Variants in CASKIN1 observed in about 807,000 individuals in gnomAD.
CASKIN1 encodes the protein caskin-1.
Under a neutral mutation model 117.5 loss-of-function variants are expected in CASKIN1, and 42 were observed. The ratio of observed to expected loss-of-function variants is 0.36; its 90% CI spans 0.28 to 0.46. CASKIN1 has a LOEUF of 0.46. CASKIN1 is among the 20% of genes least tolerant of loss of function. CASKIN1 has a pLI of 1.00. For missense variants in CASKIN1, 2,083 were observed against 2,077.3 expected (o/e 1.00, Z -0.05); for synonymous variants, 1,148 against 961.7 (o/e 1.19, Z -3.59).
intron 1 of CASKIN1, among the ~76,000 whole-genome samples, chr16:2,191,615 C>T (rs2093201981): frequency 6.6e-6 from 1 of 152,238 alleles, no homozygotes; most frequent in African/African-American, 2.4e-5. Flanking sequence ...CCCCAGCTCT[C>T]TCCAGCCAGG....
chr16:2,189,535 G>T lies in CASKIN1; in HGVS notation c.274C>A (p.Gln92Lys). The T allele has an allele frequency of 6.2e-7, 1 of 1,610,814 alleles. No individual in the cohort carries two copies. Residue 92 changes from glutamine to lysine, a missense_variant, in exon 4 of 20, where the codon CAG becomes AAG. Around this residue, in one of 3 missense-constraint regions of CASKIN1, gnomAD observed 203 missense variants for 338.7 expected, o/e 0.60. Transcript: ENST00000343516. ...AGCTTCATGGGCTCCTTCCGGCCCT[G>T]CCAGGCCGCATAGTGCAGCGGCCGC... ...GMRPLHYAAW[Q>K]GRKEPMKLVL...
intron 1 of CASKIN1, 24 bp from the exon 2 acceptor site, chr16:2,190,382 G>A: frequency 1.3e-6 from 2 of 1,560,722 alleles, no homozygotes; most frequent in Non-Finnish European, 1.7e-6. Context: ...GAGACTCAGT[G>A]AGGGGAGGCT....
chr16:2,192,213 C>T (rs555098613), intron 1 of CASKIN1, among the ~76,000 whole-genome samples: 2 of 151,806 alleles, frequency 1.3e-5, no homozygotes, highest in Admixed American at 1.3e-4. Flanking sequence ...GCGGGAGGAT[C>T]GCTTGAGCCC....
At position 2,182,829 on chromosome 16, in the gene CASKIN1, C is replaced by T. The variant is rs1174783260; in HGVS notation, c.1629+817G>A. Among the ~76,000 whole-genome samples, 5 of 152,232 alleles carry T rather than the reference C, an allele frequency of 3.3e-5. No homozygotes were observed. The highest frequency in any genetic ancestry group is 4.8e-5 in the African/African-American group (2 of 41,450). On this transcript the variant is annotated intron_variant, in intron 16 of 19. Transcript: ENST00000343516. This position sits in a 1 kb window ranked among gnomAD's most constrained non-coding sequence, Gnocchi z 4.1. ...TGTTTGAGACGGAGCCTCGCTCTGT[C>T]GCCCAGGCTGGAGTGCAGTGGCGCA...
chr16:2,190,031 C>G, intron 3 of CASKIN1, 42 bp downstream of exon 3: 103 of 1,316,514 alleles, frequency 7.8e-5, no homozygotes, highest in Non-Finnish European at 1.0e-4. Flanking sequence ...CCCCTCGCTG[C>G]CCCCGCCCCT....
intron 1 of CASKIN1, among the ~76,000 whole-genome samples, chr16:2,191,700 G>A (rs1412190496): frequency 6.6e-6 from 1 of 152,238 alleles, no homozygotes; most frequent in African/African-American, 2.4e-5. Context: ...GCTGGCACCA[G>A]TGTCCCTCTT....
intron 14 of CASKIN1, 36 bp downstream of exon 14, chr16:2,184,741 C>T (rs1029960339): frequency 9.6e-6 from 14 of 1,457,380 alleles, no homozygotes; most frequent in African/African-American, 8.6e-5. Flanking sequence ...AGCCTCTCCC[C>T]GGAGCCCACG....
rs2093215621 is a variant in CASKIN1 at position 2,196,240 on chromosome 16, C to T, written c.94+99G>A. ...CTGGCCCCGCCCCGCCCCCGGGGACCCGACAACGTCCCCTCCCCGCCCGGC... is the reference window on the plus strand; with the variant it reads ...CTGGCCCCGCCCCGCCCCCGGGGACTCGACAACGTCCCCTCCCCGCCCGGC... On this transcript the variant is annotated intron_variant, in intron 1 of 19. Transcript: ENST00000343516. The surrounding 1 kb of genome is among the most constrained non-coding windows in gnomAD (Gnocchi z 5.7). 2.8e-6 allele frequency: 1 copy of T among 363,510 alleles called. No homozygotes were observed. Among genetic ancestry groups the T allele is most frequent in the Admixed American group, 5.5e-5 (1 of 18,222 alleles). The allele number at this position is 363,510 out of a possible 1,614,324, so 22.5% of individuals were successfully genotyped here.
At chr16:2,185,689 A>AG (rs1489487101) in intron 10 of CASKIN1, among the ~76,000 whole-genome samples, 1 of 152,166 alleles carries the variant, frequency 6.6e-6, no homozygotes, top group Non-Finnish European at 1.5e-5. Flanking sequence ...TGTACTGGGG[A>AG]GTGGGGGGCA....
At chr16:2,178,674 G>A (rs1158237493) in intron 19 of CASKIN1, 28 bp from the exon 20 acceptor site, 9 of 1,568,320 alleles carry the variant, frequency 5.7e-6, no homozygotes, top group Non-Finnish European at 7.7e-6. Flanking sequence ...AGGGGCGTGA[G>A]TGGGCGGGGC....
intron 6 of CASKIN1, 57 bp from the exon 7 acceptor site, chr16:2,187,518 A>AC: frequency 2.1e-6 from 3 of 1,435,230 alleles, no homozygotes; most frequent in South Asian, 2.3e-5. Context: ...CGGCCCCAGC[A>AC]CCCCCAAGCC....
At chr16:2,188,206 A>T (rs1387862270) in intron 6 of CASKIN1, among the ~76,000 whole-genome samples, 3 of 151,720 alleles carry the variant, frequency 2.0e-5, no homozygotes, top group Non-Finnish European at 4.4e-5. Context: ...TAAAAAGTAG[A>T]GATGGGGTCT....
At chr16:2,181,764 G>A (rs200591186) in intron 17 of CASKIN1, 27 bp downstream of exon 17, 402 of 1,607,966 alleles carry the variant, frequency 2.5e-4, no homozygotes, top group South Asian at 1.8e-3. Flanking sequence ...GTTGGGCTGG[G>A]GACGAGGGCT....
chr16:2,184,839 G>A lies in CASKIN1; in HGVS notation c.1354C>T (p.His452Tyr). ...GVARSQPPVA[H>Y]AGQVYGEQPP... is the part of the protein sequence containing the mutation. ...TGCTCCCCATAGACCTGCCCGGCGTGGGCCACTGGAGGCTGGGACCGGGCC... is the reference window on the plus strand; with the variant it reads ...TGCTCCCCATAGACCTGCCCGGCGTAGGCCACTGGAGGCTGGGACCGGGCC... Residue 452 changes from histidine to tyrosine, a missense_variant, in exon 14 of 20, where the codon CAC becomes TAC. His to Tyr is a moderately conservative substitution (Grantham distance 83). This residue lies in a region of CASKIN1 where 1,818 missense variants were observed against 1,688.9 expected (regional missense o/e 1.08). Coordinates refer to ENST00000343516, the MANE Select transcript of CASKIN1 (RefSeq NM_020764.4). 3 of 1,560,446 alleles carry A rather than the reference G, an allele frequency of 1.9e-6. No individual in the cohort carries two copies. The highest frequency in any genetic ancestry group is 2.6e-6 in the Non-Finnish European group (3 of 1,152,648).
chr16:2,190,467 G>A, intron 1 of CASKIN1, 109 bp from the exon 2 acceptor site: 1 of 988,648 alleles, frequency 1.0e-6, no homozygotes, highest in Non-Finnish European at 1.5e-6. Flanking sequence ...AAAGCTGCTG[G>A]GCTCTCAGTC....
chr16:2,177,661 G>C lies in CASKIN1; in HGVS notation c.*889C>G, dbSNP rs2093144831. ...GGCCAGGCACACCCTCAGAGGAGCT[G>C]CAAGCCCGTGGCCTGGCCTGCTACA... On this transcript the variant is annotated 3_prime_UTR_variant, in exon 20 of 20. Transcript: ENST00000343516. 8.4e-6 allele frequency: 2 copies of C among 239,132 alleles called. No homozygotes were observed. Among genetic ancestry groups the C allele is most frequent in the Admixed American group, 1.1e-4 (2 of 18,488 alleles). 14.8% of individuals were successfully genotyped at this position (239,132 alleles called of 1,614,324 possible). A position where few individuals can be genotyped will look rare whatever the true frequency, so the allele number is the denominator to read the frequency against.
chr16:2,185,482 G>A, intron 10 of CASKIN1, 74 bp from the exon 11 acceptor site: 2 of 1,288,860 alleles, frequency 1.6e-6, no homozygotes, highest in Admixed American at 2.5e-5. Flanking sequence ...GCAGGACAGA[G>A]ACTGGCGCAG....
chr16:2,192,729 C>T (rs951411606), intron 1 of CASKIN1, among the ~76,000 whole-genome samples: 5 of 152,218 alleles, frequency 3.3e-5, no homozygotes, highest in Non-Finnish European at 7.3e-5. Flanking sequence ...CAGCCCTCGT[C>T]ACCACCAGCC....
chr16:2,179,068 C>CGGT lies in CASKIN1; in HGVS notation c.4032_4033insACC (p.Arg1344_Ala1345insThr). On this transcript the variant is annotated inframe_insertion, in exon 19 of 20. Coordinates refer to ENST00000343516, the MANE Select transcript of CASKIN1 (RefSeq NM_020764.4). The surrounding 1 kb of genome is among the most constrained non-coding windows in gnomAD (Gnocchi z 5.8). ...GCGGCGGCGGCGGCGGCGGCGGCGG[C>CGGT]TCGCGGGGGCTTGGCGGGCACGTGC... 1.0e-6 allele frequency: 1 copy of CGGT among 986,300 alleles called. No homozygotes were observed. The highest frequency in any genetic ancestry group is 1.8e-5 in the African/African-American group (1 of 56,188). 61.1% of individuals were successfully genotyped at this position (986,300 alleles called of 1,614,324 possible). A position where few individuals can be genotyped will look rare whatever the true frequency, so the allele number is the denominator to read the frequency against.
Sources: allele counts gnomAD v4.1 joint callset (sites outside exome capture counted in the v4.1 genomes callset), GRCh38; gene constraint gnomAD v4.1.1; regional missense constraint gnomAD v4.1.1; non-coding constraint Gnocchi (gnomAD v3.1); transcripts MANE v1.5; gene names NCBI Gene and HGNC (gene_info 2026-07-23, HGNC 2026-07-21).